The following FAM3D variants were observed in gnomAD, a reference collection of about 807,000 sequenced individuals.
FAM3D encodes the protein protein FAM3D.
Under a neutral mutation model 29.8 loss-of-function variants are expected in FAM3D, and 26 were observed. That is an observed-to-expected ratio of 0.87 (90% CI 0.64 to 1.21). FAM3D has a LOEUF of 1.21. Ranked by LOEUF, FAM3D falls within the 50% of genes most tolerant of loss-of-function variation. The probability of loss-of-function intolerance (pLI) is 0.00; values close to 1 mark genes in which losing one functional copy is unlikely to be tolerated. For synonymous variants in FAM3D, 115 were observed against 102.3 expected, an observed-to-expected ratio of 1.12 and a Z score of -0.75; for missense variants, 253 against 290.9, an observed-to-expected ratio of 0.87 and a Z score of 0.95.
chr3:58,641,091 C>T lies in FAM3D; in HGVS notation c.323-914G>A, dbSNP rs78126256. 8.0e-3 allele frequency among the ~76,000 whole-genome samples: 1,223 copies of T among 152,320 alleles called. 24 individuals carry two copies. The highest frequency in any genetic ancestry group is 0.027 in the African/African-American group (1,121 of 41,568). On this transcript the variant is annotated intron_variant, in intron 6 of 9. Transcript: ENST00000358781. ...GCTGGAAGATCCTGAGGACTCTCTG[C>T]CCCACTAAAGGTTAAAGACTACTGG...
intron 1 of FAM3D, among the ~76,000 whole-genome samples, chr3:58,656,238 A>G (rs2106920297): frequency 6.6e-6 from 1 of 152,310 alleles, no homozygotes; most frequent in South Asian, 2.1e-4. Flanking sequence ...GCCAGGTGCC[A>G]TCTATGCATT....
intron 2 of FAM3D, among the ~76,000 whole-genome samples, chr3:58,654,100 C>G (rs1314892495): frequency 1.3e-5 from 2 of 152,204 alleles, no homozygotes; most frequent in Admixed American, 1.3e-4. Flanking sequence ...GCATTCTAGA[C>G]CTTTCTGTAG....
chr3:58,634,370 T>G lies in FAM3D; in HGVS notation c.586-2A>C, dbSNP rs765808728. ...TGTGTCTGGGCTGTTCTTTAAGAAC[T>G]AGAGAGAGAGAAGACAGAGAAATAT... On this transcript the variant is annotated splice_acceptor_variant, in intron 9 of 9. Coordinates refer to ENST00000358781, the MANE Select transcript of FAM3D (RefSeq NM_138805.3). LOFTEE classifies it high-confidence loss of function. This position sits in a 1 kb window ranked among gnomAD's most constrained non-coding sequence, Gnocchi z 4.6. The G allele has an allele frequency of 2.5e-6, 4 of 1,613,420 alleles. 1 individual carries two copies. Among genetic ancestry groups the G allele is most frequent in the South Asian group, 2.2e-5 (2 of 91,062 alleles).
chr3:58,654,335 A>C (rs2066728508), intron 2 of FAM3D, among the ~76,000 whole-genome samples: 1 of 152,194 alleles, frequency 6.6e-6, no homozygotes, highest in East Asian at 1.9e-4. Context: ...GTAGTTGTCA[A>C]AAGTAGGCAG....
intron 3 of FAM3D, among the ~76,000 whole-genome samples, chr3:58,650,548 C>G (rs904857958): frequency 1.3e-5 from 2 of 152,046 alleles, no homozygotes; most frequent in Admixed American, 6.6e-5. Context: ...CAAGTAGCAA[C>G]AAGCAAAGCC....
intron 6 of FAM3D, among the ~76,000 whole-genome samples, chr3:58,642,580 A>G (rs1575474921): frequency 6.6e-6 from 1 of 152,048 alleles, no homozygotes; most frequent in African/African-American, 2.4e-5. Flanking sequence ...CTGGGGCTAG[A>G]CCACCTGGTC....
At chr3:58,640,557 G>A (rs1422548243) in intron 6 of FAM3D, among the ~76,000 whole-genome samples, 4 of 152,198 alleles carry the variant, frequency 2.6e-5, no homozygotes, top group Non-Finnish European at 5.9e-5. Flanking sequence ...ATGAATTTTA[G>A]CTGCAAAATC....
At chr3:58,640,415 G>A (rs1367945079) in intron 6 of FAM3D, among the ~76,000 whole-genome samples, 1 of 152,196 alleles carries the variant, frequency 6.6e-6, no homozygotes, top group Non-Finnish European at 1.5e-5. Flanking sequence ...AGTCTACTCA[G>A]TCTGAGTCGG....
intron 7 of FAM3D, 80 bp from the exon 8 acceptor site, chr3:58,637,305 A>G: frequency 7.5e-7 from 1 of 1,340,030 alleles, no homozygotes; most frequent in Non-Finnish European, 1.0e-6. Context: ...CTGCCCCATG[A>G]TGCAGGAGTC....
chr3:58,663,783 AG>A (rs1461692852), intron 1 of FAM3D, among the ~76,000 whole-genome samples: 3 of 152,174 alleles, frequency 2.0e-5, no homozygotes, highest in Non-Finnish European at 4.4e-5. Context: ...ACCTGCAGAA[AG>A]GTCCAAGGCC....
intron 1 of FAM3D, among the ~76,000 whole-genome samples, chr3:58,661,648 C>G (rs2066932583): frequency 6.6e-6 from 1 of 152,190 alleles, no homozygotes; most frequent in South Asian, 2.1e-4. Context: ...TGGTGCCCAT[C>G]TAGGTCCTGT....
At chr3:58,636,240 C>T (rs2066166739) in intron 9 of FAM3D, 54 bp downstream of exon 9, 7 of 1,582,938 alleles carry the variant, frequency 4.4e-6, no homozygotes, top group African/African-American at 1.4e-5. Context: ...CTTCCTACCA[C>T]CACCCAGCTC....
At chr3:58,637,981 T>C (rs1328042656) in intron 7 of FAM3D, among the ~76,000 whole-genome samples, 1 of 152,030 alleles carries the variant, frequency 6.6e-6, no homozygotes, top group Non-Finnish European at 1.5e-5. Flanking sequence ...ACCTCCTGGG[T>C]TCAAGCGATT....
chr3:58,640,384 G>C (rs1293281969), intron 6 of FAM3D, among the ~76,000 whole-genome samples: 1 of 152,212 alleles, frequency 6.6e-6, no homozygotes, highest in Non-Finnish European at 1.5e-5. Context: ...AATGGCTGAG[G>C]ACATCTCTGG....
intron 7 of FAM3D, among the ~76,000 whole-genome samples, chr3:58,639,196 G>A (rs1195806921): frequency 6.6e-6 from 1 of 152,170 alleles, no homozygotes; most frequent in Non-Finnish European, 1.5e-5. Context: ...TGAGGGAAGA[G>A]GGGAGCGAAG....
At chr3:58,660,678 G>C (rs781236882) in intron 1 of FAM3D, among the ~76,000 whole-genome samples, 2 of 152,184 alleles carry the variant, frequency 1.3e-5, no homozygotes, top group Non-Finnish European at 2.9e-5. Flanking sequence ...GGGCCAGTCA[G>C]AGCTGCATGG....
chr3:58,652,461 C>A (rs13090751), intron 3 of FAM3D, among the ~76,000 whole-genome samples: 1 of 151,444 alleles, frequency 6.6e-6, no homozygotes, highest in African/African-American at 2.4e-5. Flanking sequence ...ACTCACTCAT[C>A]CCTTCTCCAC....
At chr3:58,655,071 T>C (rs939213938) in intron 2 of FAM3D, among the ~76,000 whole-genome samples, 1 of 152,184 alleles carries the variant, frequency 6.6e-6, no homozygotes. Context: ...CCCAGAGAAG[T>C]AAGCCGACTT....
At chr3:58,643,212 C>T (rs561585633) in intron 6 of FAM3D, among the ~76,000 whole-genome samples, 2 of 152,360 alleles carry the variant, frequency 1.3e-5, no homozygotes, top group East Asian at 1.9e-4. Flanking sequence ...GAAGCCAGGG[C>T]CTTTCTAGTT....
Sources: allele counts gnomAD v4.1 joint callset (sites outside exome capture counted in the v4.1 genomes callset), GRCh38; gene constraint gnomAD v4.1.1; non-coding constraint Gnocchi (gnomAD v3.1); transcripts MANE v1.5; gene names NCBI Gene and HGNC (gene_info 2026-07-23, HGNC 2026-07-21).